Variants in PHC3 observed in about 807,000 individuals in gnomAD.
The protein encoded by PHC3 is polyhomeotic-like protein 3.
PHC3 carries 13 observed loss-of-function variants against 107.4 expected under a neutral mutation model. The ratio of observed to expected loss-of-function variants is 0.12; its 90% CI spans 0.08 to 0.19. The LOEUF is 0.19. PHC3 is among the 10% of genes least tolerant of loss of function. PHC3 has a pLI of 1.00. For synonymous variants in PHC3, 456 were observed against 427.4 expected (o/e 1.07, Z -0.83); for missense variants, 992 against 1,210.9 (o/e 0.82, Z 2.68).
intron 4 of PHC3, among the ~76,000 whole-genome samples, chr3:170,151,197 C>T (rs2108605919): frequency 6.6e-6 from 1 of 152,068 alleles, no homozygotes; most frequent in East Asian, 1.9e-4. Flanking sequence ...GGCAACAGAG[C>T]GAGACTCTGT....
intron 7 of PHC3, among the ~76,000 whole-genome samples, chr3:170,130,682 C>G (rs1722102005): frequency 6.6e-6 from 1 of 152,092 alleles, no homozygotes; most frequent in Admixed American, 6.5e-5. Context: ...ACAAAGAAGC[C>G]ACTCAACAGG....
chr3:170,123,251 C>CA (rs1417116662), intron 8 of PHC3, among the ~76,000 whole-genome samples: 1 of 151,688 alleles, frequency 6.6e-6, no homozygotes, highest in Non-Finnish European at 1.5e-5. Flanking sequence ...TGAGAATCTA[C>CA]AAAAAAAGAT....
chr3:170,119,747 TA>T (rs1370228632), intron 9 of PHC3, among the ~76,000 whole-genome samples: 20 of 152,086 alleles, frequency 1.3e-4, no homozygotes, highest in African/African-American at 4.8e-4. Context: ...CAAAAAATTT[TA>T]AAGATTTATA....
chr3:170,177,652 C>A (rs1227897569), intron 2 of PHC3, among the ~76,000 whole-genome samples: 1 of 151,218 alleles, frequency 6.6e-6, no homozygotes, highest in African/African-American at 2.4e-5. Flanking sequence ...GAAGTGTGAG[C>A]CACCACGCCC....
At chr3:170,106,976 G>C in intron 11 of PHC3, 30 bp from the exon 12 acceptor site, 1 of 1,535,766 alleles carries the variant, frequency 6.5e-7, no homozygotes. Flanking sequence ...AGGAAAAAAA[G>C]GTTCCAAAAA....
intron 5 of PHC3, 113 bp from the exon 6 acceptor site, chr3:170,145,634 G>A: frequency 1.7e-6 from 1 of 590,966 alleles, no homozygotes; most frequent in South Asian, 3.4e-5. Flanking sequence ...ATGCAGTTTA[G>A]GATTATCTCC....
chr3:170,127,767 T>C (rs916767461), intron 8 of PHC3, among the ~76,000 whole-genome samples: 9 of 152,216 alleles, frequency 5.9e-5, no homozygotes, highest in African/African-American at 2.2e-4. Context: ...CAGTTACAAA[T>C]TATGAATTTG....
At chr3:170,157,962 T>C (rs1228636586) in intron 4 of PHC3, among the ~76,000 whole-genome samples, 1 of 151,712 alleles carries the variant, frequency 6.6e-6, no homozygotes, top group Non-Finnish European at 1.5e-5. Flanking sequence ...AGAAAAGTAG[T>C]TTTTAAAAAT....
chr3:170,142,275 G>C (rs905732909), intron 6 of PHC3, among the ~76,000 whole-genome samples: 1 of 151,986 alleles, frequency 6.6e-6, no homozygotes, highest in African/African-American at 2.4e-5. Context: ...TTGAAACTGA[G>C]GTGAGAGGTT....
intron 4 of PHC3, among the ~76,000 whole-genome samples, chr3:170,150,368 C>G: frequency 6.6e-6 from 1 of 151,726 alleles, no homozygotes. Context: ...AAATTATAAA[C>G]ACTAAAGTTT....
At chr3:170,130,339 G>C (rs193263089) in intron 7 of PHC3, among the ~76,000 whole-genome samples, 6 of 151,950 alleles carry the variant, frequency 3.9e-5, no homozygotes, top group Admixed American at 3.9e-4. Context: ...CAACTAATAG[G>C]GTAATTACTT....
intron 4 of PHC3, among the ~76,000 whole-genome samples, chr3:170,161,680 C>G (rs1201347355): frequency 6.6e-6 from 1 of 152,204 alleles, no homozygotes; most frequent in African/African-American, 2.4e-5. Context: ...CTGACTTAAA[C>G]AACAGAAATT....
chr3:170,137,104 T>C lies in PHC3; in HGVS notation c.673-439A>G, dbSNP rs112585918. ...ATTTAAAAGTTACCAGTTCTAGCTA[T>C]AGAGATTAAGGGGACATTAACCTTG... is the stretch of plus-strand genomic sequence containing the variant. On this transcript the variant is annotated intron_variant, in intron 6 of 14. Coordinates refer to ENST00000495893, the MANE Select transcript of PHC3 (RefSeq NM_024947.4). Among the ~76,000 whole-genome samples, 516 of 152,324 alleles carry C rather than the reference T, an allele frequency of 3.4e-3. 2 individuals carry two copies. Among genetic ancestry groups the C allele is most frequent in the Non-Finnish European group, 5.2e-3 (351 of 68,024 alleles).
intron 7 of PHC3, among the ~76,000 whole-genome samples, chr3:170,134,966 T>C (rs1031922361): frequency 2.6e-5 from 4 of 152,160 alleles, no homozygotes; most frequent in African/African-American, 9.7e-5. Flanking sequence ...GATTCAGTGA[T>C]GTAGAGAATG....
At chr3:170,158,626 G>GAA (rs200803020) in intron 4 of PHC3, among the ~76,000 whole-genome samples, 1 of 143,140 alleles carries the variant, frequency 7.0e-6, no homozygotes, top group Non-Finnish European at 1.5e-5. Flanking sequence ...TTCAAAAAAA[G>GAA]AAAAAAAAAA....
At chr3:170,127,751 TCTC>T (rs1337804228) in intron 8 of PHC3, among the ~76,000 whole-genome samples, 4 of 152,340 alleles carry the variant, frequency 2.6e-5, no homozygotes, top group South Asian at 2.1e-4. Flanking sequence ...GGAAGATTCT[TCTC>T]CTCAGTTACA....
Position 170,129,422 on chromosome 3 carries a change from T to G in PHC3, c.1050A>C (p.Thr350=). 6.2e-7 allele frequency: 1 copy of G among 1,613,854 alleles called. No homozygotes were observed. The highest frequency in any genetic ancestry group is 8.5e-7 in the Non-Finnish European group (1 of 1,179,854). The change falls in exon 8 of 15, where the codon ACA becomes ACC. Residue 350 remains threonine, a synonymous_variant. Transcript: ENST00000495893. ...QQQQQQIQPI[T]LQNSTQDPPP... ...GTGGGTCTTGAGTTGAATTCTGAAG[T>G]GTGATTGGCTGAATTTGCTGTTGCT...
At position 170,145,467 on chromosome 3, in the gene PHC3, C is replaced by G; in HGVS notation, c.628G>C (p.Val210Leu). Residue 210 changes from valine (V) to leucine (L), a missense_variant, in exon 6 of 15, where the codon GTC (valine) becomes CTC (leucine). Coordinates refer to ENST00000495893, the MANE Select transcript of PHC3 (RefSeq NM_024947.4). ...VAAVQSDIPV[V>L]SSSSSSSCQS... The stretch of plus-strand genomic sequence containing the variant: ...CAGGAAGATGACGATGACGACGAGA[C>G]AACAGGAATGTCAGACTGTACAGCA... 6.2e-7 allele frequency: 1 copy of G among 1,613,114 alleles called. No homozygotes were observed.
chr3:170,178,117 C>T (rs183679514), intron 2 of PHC3, among the ~76,000 whole-genome samples: 9 of 152,222 alleles, frequency 5.9e-5, no homozygotes, highest in African/African-American at 2.2e-4. Context: ...AGGACTCCGC[C>T]CACATGAATA....
Sources: allele counts gnomAD v4.1 joint callset (sites outside exome capture counted in the v4.1 genomes callset), GRCh38; gene constraint gnomAD v4.1.1; transcripts MANE v1.5; gene names NCBI Gene and HGNC (gene_info 2026-07-23, HGNC 2026-07-21).